DPM1: variants seen among roughly 807,000 people sequenced by gnomAD.
DPM1 encodes dolichyl-phosphate mannosyltransferase subunit 1, catalytic, also known as dolichol-phosphate mannosyltransferase subunit 1.
A neutral mutation model predicts 39.0 loss-of-function variants in DPM1; 27 were observed. The ratio of observed to expected loss-of-function variants is 0.69; its 90% CI spans 0.51 to 0.95. The LOEUF (loss-of-function observed/expected upper bound fraction) is 0.95, where lower values mean the gene tolerates loss of function less well. DPM1 is among the 40% of genes least tolerant of loss of function. The pLI is 0.00. For missense variants in DPM1, 307 were observed against 315.6 expected (o/e 0.97, Z 0.21); for synonymous variants, 124 against 109.0 (o/e 1.14, Z -0.86).
chr20:50,953,946 T>C lies in DPM1; in HGVS notation c.261+1240A>G, dbSNP rs545620700. The stretch of plus-strand genomic sequence containing the variant: ...AAAATTTGTCAACTTTTTACCTCTT[T>C]CTGTATTCCCATCCATTAGAAGGTT... On this transcript the variant is annotated intron_variant, in intron 2 of 8. Transcript: ENST00000371588. Among the ~76,000 whole-genome samples, 8 of 152,350 alleles carry C rather than the reference T, an allele frequency of 5.3e-5. No individual in the cohort carries two copies. The East Asian group carries it at 1.5e-3, about 29-fold the overall frequency.
At chr20:50,946,071 C>A in intron 3 of DPM1, 148 bp from the exon 4 acceptor site, 1 of 727,036 alleles carries the variant, frequency 1.4e-6, no homozygotes, top group Non-Finnish European at 2.4e-6. Flanking sequence ...ACCTTAAGTA[C>A]ATAAGTTCAT....
At chr20:50,941,328 TCA>T in intron 6 of DPM1, 1 of 133,806 alleles carries the variant, frequency 7.5e-6, no homozygotes, top group Non-Finnish European at 1.4e-5. Context: ...TATTATATAT[TCA>T]TATATATTCG....
chr20:50,945,146 TAACTC>T (rs1305052690), intron 5 of DPM1: 3 of 153,728 alleles, frequency 2.0e-5, no homozygotes, highest in African/African-American at 7.2e-5. Context: ...TTTATTCTAA[TAACTC>T]AAGGCTTAAT....
intron 1 of DPM1, among the ~76,000 whole-genome samples, chr20:50,956,118 CATT>C (rs986001399): frequency 2.6e-5 from 4 of 152,112 alleles, no homozygotes; most frequent in African/African-American, 9.7e-5. Flanking sequence ...TATTACCTCA[CATT>C]ATCAAATTAA....
intron 1 of DPM1, among the ~76,000 whole-genome samples, 157 bp downstream of exon 1, chr20:50,958,206 C>T (rs938654030): frequency 6.6e-6 from 1 of 152,254 alleles, no homozygotes; most frequent in Non-Finnish European, 1.5e-5. Flanking sequence ...CAACAAGCAT[C>T]CGCCTCTGCT....
At chr20:50,936,337 T>C (rs148597341) in intron 7 of DPM1, 75 bp from the exon 8 acceptor site, 1 of 978,618 alleles carries the variant, frequency 1.0e-6, no homozygotes, top group East Asian at 2.6e-5. Context: ...TTCAAAGAGT[T>C]CACTGGTATG....
In DPM1 at chr20:50,955,965, CAA is replaced by C. The variant is rs528751919; in HGVS notation, c.162-682_162-681del. Reference sequence around the variant, plus strand: ...AAGTACTTTACATGGTAACTCAAACCAAACTGAGTAACTCAGTGATTATTCTT... The same window carrying C: ...AAGTACTTTACATGGTAACTCAAACCACTGAGTAACTCAGTGATTATTCTT... On this transcript the variant is annotated intron_variant, in intron 1 of 8. Transcript: ENST00000371588. Among the ~76,000 whole-genome samples the C allele has an allele frequency of 3.0e-3, 454 of 152,228 alleles. 2 individuals carry two copies. The highest frequency in any genetic ancestry group is 3.5e-3 in the Non-Finnish European group (235 of 68,004).
At chr20:50,938,951 A>G (rs1985463053) in intron 7 of DPM1, among the ~76,000 whole-genome samples, 1 of 152,120 alleles carries the variant, frequency 6.6e-6, no homozygotes, top group Non-Finnish European at 1.5e-5. Flanking sequence ...TGCACACTCC[A>G]GCCTGGGCAA....
At chr20:50,951,028 C>T (rs1986547936) in intron 2 of DPM1, among the ~76,000 whole-genome samples, 1 of 152,208 alleles carries the variant, frequency 6.6e-6, no homozygotes, top group Admixed American at 6.5e-5. Context: ...ACACCTATCA[C>T]AGTTTAATTT....
chr20:50,955,674 C>T (rs1986787341), intron 1 of DPM1, among the ~76,000 whole-genome samples: 1 of 152,214 alleles, frequency 6.6e-6, no homozygotes, highest in Non-Finnish European at 1.5e-5. Context: ...AGCAATTCTC[C>T]TGCCTCAGCC....
intron 5 of DPM1, 34 bp downstream of exon 5, chr20:50,945,703 C>T: frequency 6.7e-7 from 1 of 1,499,370 alleles, no homozygotes; most frequent in Non-Finnish European, 9.3e-7. Flanking sequence ...TGTTTCCAGT[C>T]ATATTTCTTT....
rs897083759 is a variant in DPM1 at position 50,936,259 on chromosome 20, T to C, written c.567A>G (p.Leu189=). ...GASDLTGSFR[L]YRKEVLEKLI... ...ATTTCTCTAGAACTTCTTTTCGGTA[T>C]AATCTGTAAGAAATTAAAAATATAT... is the stretch of plus-strand genomic sequence containing the variant. Residue 189 remains leucine, a synonymous_variant, in exon 8 of 9, where the codon TTA becomes TTG. Coordinates refer to ENST00000371588, the MANE Select transcript of DPM1 (RefSeq NM_003859.3). 3.8e-6 allele frequency: 6 copies of C among 1,583,748 alleles called. No homozygotes were observed. The highest frequency in any genetic ancestry group is 5.2e-6 in the Non-Finnish European group (6 of 1,153,478).
intron 8 of DPM1, 61 bp downstream of exon 8, chr20:50,936,086 AT>A: frequency 8.0e-7 from 1 of 1,249,384 alleles, no homozygotes; most frequent in Non-Finnish European, 1.2e-6. Context: ...TATTATAAAA[AT>A]TCTAAACCTT....
At chr20:50,947,926 C>T (rs1294491692) in intron 3 of DPM1, among the ~76,000 whole-genome samples, 5 of 152,218 alleles carry the variant, frequency 3.3e-5, no homozygotes, top group Admixed American at 3.3e-4. Flanking sequence ...TGTGCCCAGC[C>T]TTAAATGAAG....
intron 2 of DPM1, among the ~76,000 whole-genome samples, chr20:50,954,929 A>T (rs1986752298): frequency 6.6e-6 from 1 of 152,170 alleles, no homozygotes. Context: ...CCTTCAAGAA[A>T]ATTTATCTGC....
In DPM1 at chr20:50,936,196, C is replaced by A. The variant is rs771271170; in HGVS notation, c.630G>T (p.Gln210His). 10 of 1,613,706 alleles carry A rather than the reference C, an allele frequency of 6.2e-6. No homozygotes were observed. The highest frequency in any genetic ancestry group is 7.6e-6 in the Non-Finnish European group (9 of 1,179,830). ...GTCTTGCCCGAACAATCATCTCCAT[C>A]TGGAAGACGTAGCCTTTAGAAACAC... is the stretch of plus-strand genomic sequence containing the variant. ...EKCVSKGYVFQMEMIVRARQL... is the reference protein window; with the variant it reads ...EKCVSKGYVFHMEMIVRARQL... The change falls in exon 8 of 9, where the codon CAG (glutamine) becomes CAT (histidine). Residue 210 changes from glutamine to histidine, a missense_variant. Coordinates refer to ENST00000371588, the MANE Select transcript of DPM1 (RefSeq NM_003859.3).
At chr20:50,954,951 T>C (rs1986752843) in intron 2 of DPM1, among the ~76,000 whole-genome samples, 1 of 152,208 alleles carries the variant, frequency 6.6e-6, no homozygotes, top group Non-Finnish European at 1.5e-5. Context: ...GAATTAGTTA[T>C]AAACAGAGTT....
intron 5 of DPM1, among the ~76,000 whole-genome samples, chr20:50,942,777 TAGAG>T (rs1489123923): frequency 6.6e-6 from 1 of 152,216 alleles, no homozygotes; most frequent in Non-Finnish European, 1.5e-5. Context: ...TTTCTTTGCC[TAGAG>T]AAAGATAAAG....
In DPM1 at chr20:50,951,794, A is replaced by AT. The variant is rs1432158814; in HGVS notation, c.262-3133_262-3132insA. Among the ~76,000 whole-genome samples the AT allele has an allele frequency of 9.9e-5, 15 of 151,600 alleles. No homozygotes were observed. The South Asian group carries it at 1.4e-3, about 15-fold the overall frequency. On this transcript the variant is annotated intron_variant, in intron 2 of 8. Transcript: ENST00000371588. The stretch of plus-strand genomic sequence containing the variant: ...CAGAGCGAGACTCCAATCTCAAAAA[A>AT]AAAATAAATAAATAAATAAATAAAA...
Sources: allele counts gnomAD v4.1 joint callset (sites outside exome capture counted in the v4.1 genomes callset), GRCh38; gene constraint gnomAD v4.1.1; transcripts MANE v1.5; gene names NCBI Gene and HGNC (gene_info 2026-07-23, HGNC 2026-07-21).